Variants in C16orf46 observed in about 807,000 individuals in gnomAD.
C16orf46 encodes the protein uncharacterized protein C16orf46.
In C16orf46, 7 loss-of-function variants were observed where a neutral mutation model predicts 5.5. The observed-to-expected ratio is 1.28, with a 90% CI of 0.73 to 2.40. C16orf46 has a LOEUF of 2.40. Among genes scored for constraint, C16orf46 ranks in the 30% most tolerant of loss-of-function variants. C16orf46 has a pLI of 0.00. For missense variants in C16orf46, 614 were observed against 476.0 expected, an observed-to-expected ratio of 1.29 and a Z score of -2.70; for synonymous variants, 200 against 184.1, an observed-to-expected ratio of 1.09 and a Z score of -0.70.
intron 3 of C16orf46, among the ~76,000 whole-genome samples, chr16:81,063,464 C>T (rs531235323): frequency 1.5e-4 from 23 of 152,024 alleles, no homozygotes; most frequent in Non-Finnish European, 3.2e-4. Flanking sequence ...ATCCACAAAG[C>T]GAGGCTGGGA....
chr16:81,060,035 G>A (rs929708173), downstream of C16orf46, among the ~76,000 whole-genome samples: 23 of 151,920 alleles, frequency 1.5e-4, no homozygotes, highest in Admixed American at 4.6e-4. Flanking sequence ...TGATCCGCCC[G>A]CCTCAGCCTC....
chr16:81,062,040 C>G lies in C16orf46; in HGVS notation c.309G>C (p.Leu103Phe). ...RVGEGACSDC[L>F]VCVNLSHWSL... ...TCCAGTGGGAGAGGTTAACACACAC[C>G]AAGCAGTCGCTGCAGGCACCTTCCC... The change falls in exon 4 of 4, where the codon TTG becomes TTC. Residue 103 changes from leucine to phenylalanine, a missense_variant. Physicochemically the swap from Leu to Phe is conservative, Grantham distance 22. Coordinates refer to ENST00000299578, the MANE Select transcript of C16orf46 (RefSeq NM_152337.3). 6.2e-7 allele frequency: 1 copy of G among 1,613,558 alleles called. No homozygotes were observed. Among genetic ancestry groups the G allele is most frequent in the Non-Finnish European group, 8.5e-7 (1 of 1,180,006 alleles).
intron 1 of C16orf46, among the ~76,000 whole-genome samples, chr16:81,075,191 T>G (rs1971989786): frequency 6.6e-6 from 1 of 152,156 alleles, no homozygotes; most frequent in Admixed American, 6.6e-5. Context: ...ATCCATCCAT[T>G]TAGATAGTCT....
intron 3 of C16orf46, among the ~76,000 whole-genome samples, chr16:81,055,688 G>A (rs948443569): frequency 3.9e-5 from 6 of 152,086 alleles, no homozygotes; most frequent in Non-Finnish European, 7.4e-5. Flanking sequence ...GTGAAACTCT[G>A]CCTCAAAAAA....
At position 81,075,094 on chromosome 16, in the gene C16orf46, T is replaced by C. The variant is rs372415379; in HGVS notation, c.-128+2042A>G. On this transcript the variant is annotated intron_variant, in intron 1 of 3. Transcript: ENST00000299578. ...CCCTTTCACTTGGACATTTGCTAAT[T>C]ATTCAACTAGCTGCAAATTCACCTT... Among the ~76,000 whole-genome samples, 102 of 152,294 alleles carry C rather than the reference T, an allele frequency of 6.7e-4. 1 individual carries two copies. In the South Asian group the frequency reaches 0.02, roughly 30 times the overall value.
At position 81,061,533 on chromosome 16, in the gene C16orf46, G is replaced by A. The variant is rs867110811; in HGVS notation, c.816C>T (p.His272=). The A allele has an allele frequency of 1.9e-6, 3 of 1,614,072 alleles. No individual in the cohort carries two copies. Among genetic ancestry groups the A allele is most frequent in the African/African-American group, 1.3e-5 (1 of 74,922 alleles). ...AGGATGGCGTGTCGTTGACCATAGG[G>A]TGTTTGGCCAGCTCACTGGCTCTTT... ...GEKRASELAK[H]PMVNDTPSSP... The change falls in exon 4 of 4, where the codon CAC becomes CAT. Residue 272 remains histidine (H), a synonymous_variant. Coordinates refer to ENST00000299578, the MANE Select transcript of C16orf46 (RefSeq NM_152337.3).
chr16:81,059,763 A>G (rs1407517289), downstream of C16orf46, among the ~76,000 whole-genome samples: 1 of 151,926 alleles, frequency 6.6e-6, no homozygotes, highest in Non-Finnish European at 1.5e-5. Flanking sequence ...TGATAATCAC[A>G]GTGATCTTTT....
intron 3 of C16orf46, among the ~76,000 whole-genome samples, chr16:81,063,502 G>C (rs1360078576): frequency 1.3e-5 from 2 of 152,170 alleles, no homozygotes; most frequent in African/African-American, 4.8e-5. Flanking sequence ...TGGCTATTGA[G>C]AGGTTAGATG....
intron 1 of C16orf46, among the ~76,000 whole-genome samples, chr16:81,068,993 C>T (rs116169414): frequency 0.034 from 5,203 of 152,212 alleles, 238 homozygotes; most frequent in African/African-American, 0.11. Flanking sequence ...CGTAAGCCAC[C>T]GTGCCTGGCC....
chr16:81,073,677 T>C (rs189804987), intron 1 of C16orf46, among the ~76,000 whole-genome samples: 127 of 152,328 alleles, frequency 8.3e-4, no homozygotes, highest in Admixed American at 2.4e-3. Flanking sequence ...TTGTCTTAGC[T>C]AGCAGCAGCA....
downstream of C16orf46, among the ~76,000 whole-genome samples, chr16:81,060,220 G>A (rs1018172321): frequency 6.6e-6 from 1 of 152,192 alleles, no homozygotes; most frequent in Non-Finnish European, 1.5e-5. Flanking sequence ...GGAGACGATA[G>A]TGTATATACA....
chr16:81,073,838 T>C (rs1035880129), intron 1 of C16orf46, among the ~76,000 whole-genome samples: 2 of 152,208 alleles, frequency 1.3e-5, no homozygotes, highest in African/African-American at 4.8e-5. Context: ...ATCTCAGTTC[T>C]ACAACTTCAA....
intron 3 of C16orf46, among the ~76,000 whole-genome samples, chr16:81,062,802 T>C (rs1434774586): frequency 6.6e-6 from 1 of 151,604 alleles, no homozygotes; most frequent in African/African-American, 2.4e-5. Context: ...GACATACTTA[T>C]ACTGATAAAT....
chr16:81,057,748 C>G (rs1341587569), downstream of C16orf46, among the ~76,000 whole-genome samples: 1 of 151,420 alleles, frequency 6.6e-6, no homozygotes, highest in Admixed American at 6.6e-5. Context: ...AAACCTGAAA[C>G]AGGCCGGGTG....
intron 1 of C16orf46, among the ~76,000 whole-genome samples, chr16:81,067,516 A>G (rs991440077): frequency 3.3e-5 from 5 of 152,198 alleles, no homozygotes; most frequent in Non-Finnish European, 7.3e-5. Context: ...TTTTGACCTT[A>G]AGCAAACTGA....
intron 1 of C16orf46, among the ~76,000 whole-genome samples, chr16:81,072,934 G>A (rs1374567892): frequency 6.6e-6 from 1 of 151,530 alleles, no homozygotes; most frequent in African/African-American, 2.4e-5. Context: ...AACTCCTGAT[G>A]TCAAGTGATC....
At position 81,061,242 on chromosome 16, in the gene C16orf46, G is replaced by T. The variant is rs755504169; in HGVS notation, c.1107C>A (p.Thr369=). 1 of 1,614,078 alleles carries T rather than the reference G, an allele frequency of 6.2e-7. No homozygotes were observed. The highest frequency in any genetic ancestry group is 1.6e-4 in the Middle Eastern group (1 of 6,062). The change falls in exon 4 of 4, where the codon ACC becomes ACA. Residue 369 remains threonine (T), a synonymous_variant. Transcript: ENST00000299578. ...KQENRPQMLE[T]KVFPRPVLPS... ...GCAAGACAGGTCTTGGGAAAACTTTGGTCTCCAGCATTTGGGGCCTGTTTT... is the reference window on the plus strand; with the variant it reads ...GCAAGACAGGTCTTGGGAAAACTTTTGTCTCCAGCATTTGGGGCCTGTTTT...
At chr16:81,071,393 A>G (rs888390359) in intron 1 of C16orf46, among the ~76,000 whole-genome samples, 1 of 152,254 alleles carries the variant, frequency 6.6e-6, no homozygotes, top group Non-Finnish European at 1.5e-5. Flanking sequence ...TATATTGGAA[A>G]TGAACACTTC....
In C16orf46 at chr16:81,061,307, C is replaced by A. The variant is rs575984281; in HGVS notation, c.1042G>T (p.Val348Leu). ...KFKAKEPRSP[V>L]ITRKHVLPKA... ...GGGAGAACATGCTTTCGGGTGATCACAGGAGATCTTGGCTCCTTGGCTTTG... is the reference window on the plus strand; with the variant it reads ...GGGAGAACATGCTTTCGGGTGATCAAAGGAGATCTTGGCTCCTTGGCTTTG... Residue 348 changes from valine to leucine, a missense_variant, in exon 4 of 4, where the codon GTG becomes TTG. Val to Leu is a conservative substitution (Grantham distance 32). Coordinates refer to ENST00000299578, the MANE Select transcript of C16orf46 (RefSeq NM_152337.3). The A allele has an allele frequency of 2.4e-5, 38 of 1,614,124 alleles. No homozygotes were observed. In the South Asian group the frequency reaches 3.5e-4, roughly 15 times the overall value.
Sources: gnomAD v4.1 joint callset for allele counts (sites outside exome capture counted in the v4.1 genomes callset) on GRCh38, gnomAD v4.1.1 for gene constraint, MANE v1.5 for transcripts, NCBI Gene and HGNC (gene_info 2026-07-23, HGNC 2026-07-21) for gene names.